Variants in UGT1A8 observed in about 807,000 individuals in gnomAD.
UGT1A8 encodes the protein UDP-glucuronosyltransferase 1A8.
A neutral mutation model predicts 45.3 loss-of-function variants in UGT1A8; 39 were observed. That is an observed-to-expected ratio of 0.86 (90% CI 0.67 to 1.12). The LOEUF is 1.12. Among genes scored for constraint, UGT1A8 ranks in the 50% most tolerant of loss-of-function variants. The pLI is 0.00. For synonymous variants in UGT1A8, 275 were observed against 249.2 expected, an observed-to-expected ratio of 1.10 and a Z score of -0.97; for missense variants, 719 against 664.9, an observed-to-expected ratio of 1.08 and a Z score of -0.90.
rs773383083 is a variant in UGT1A8, at chr2:233,761,070, G to A, written c.856-5964G>A. 1.4e-5 allele frequency: 23 copies of A among 1,614,070 alleles called. No individual in the cohort carries two copies. The East Asian group carries it at 4.5e-4, about 31-fold the overall frequency. On this transcript the variant is annotated intron_variant, in intron 1 of 4. Transcript: ENST00000373450. ...TCTGGCTGTTTAGAAGTGACTTTGT[G>A]AAGGATTACCCTAGGCCCATCATGC...
chr2:233,754,706 C>T, intron 1 of UGT1A8: 1 of 528,090 alleles, frequency 1.9e-6, no homozygotes, highest in South Asian at 1.5e-5. Context: ...TCGACATGGA[C>T]TTGAAGCTGC....
rs536831716 is a variant in UGT1A8, at chr2:233,631,745, A to G, written c.855+13183A>G. On this transcript the variant is annotated intron_variant, in intron 1 of 4. Transcript: ENST00000373450. ...ATTCAGGATATTAGCCCTTTGTCAG[A>G]TGGATAGATTGCAAAATTTTTCTCC... Among the ~76,000 whole-genome samples the G allele has an allele frequency of 3.3e-5, 5 of 152,060 alleles. No homozygotes were observed. The South Asian group carries it at 1.0e-3, about 32-fold the overall frequency.
chr2:233,716,952 C>T (rs1236803568), intron 1 of UGT1A8, among the ~76,000 whole-genome samples: 3 of 152,142 alleles, frequency 2.0e-5, no homozygotes, highest in Non-Finnish European at 4.4e-5. Context: ...TCCCAGGCAC[C>T]AGGAATGTGA....
chr2:233,697,534 T>C (rs879329254), intron 1 of UGT1A8, among the ~76,000 whole-genome samples: 14 of 151,894 alleles, frequency 9.2e-5, no homozygotes, highest in Admixed American at 5.9e-4. Flanking sequence ...TTTTGTTTCA[T>C]TGGTCTTTGC....
At chr2:233,747,366 C>A in intron 1 of UGT1A8, 1 of 1,604,318 alleles carries the variant, frequency 6.2e-7, no homozygotes, top group Non-Finnish European at 8.5e-7. Context: ...GCGGGAGCTC[C>A]ATGCCAGAGG....
chr2:233,722,310 C>T (rs1175597546), intron 1 of UGT1A8, among the ~76,000 whole-genome samples: 2 of 152,156 alleles, frequency 1.3e-5, no homozygotes, highest in Non-Finnish European at 2.9e-5. Context: ...CCCTTACTTA[C>T]TTGGTTTGGT....
intron 1 of UGT1A8, among the ~76,000 whole-genome samples, chr2:233,643,047 C>T (rs987150248): frequency 6.6e-6 from 1 of 152,212 alleles, no homozygotes; most frequent in Admixed American, 6.5e-5. Context: ...CTGTAACCAC[C>T]TCCTGGCTAC....
chr2:233,719,875 G>A (rs1258647724), intron 1 of UGT1A8, among the ~76,000 whole-genome samples: 1 of 152,206 alleles, frequency 6.6e-6, no homozygotes, highest in Non-Finnish European at 1.5e-5. Context: ...AGGAAGAAGA[G>A]GCACGGATGA....
At position 233,761,196 on chromosome 2, in the gene UGT1A8, T is replaced by C. The variant is rs761284519; in HGVS notation, c.856-5838T>C. 5.6e-6 allele frequency: 9 copies of C among 1,614,024 alleles called. No homozygotes were observed. The East Asian group carries it at 2.0e-4, about 36-fold the overall frequency. Reference sequence around the variant, plus strand: ...TTTTACATGCGTATATTCTTTCAGATGTATTACTTTGGATCGATTAACTAG... The same window carrying C: ...TTTTACATGCGTATATTCTTTCAGACGTATTACTTTGGATCGATTAACTAG... On this transcript the variant is annotated intron_variant, in intron 1 of 4. Transcript: ENST00000373450.
chr2:233,768,475 G>A, intron 4 of UGT1A8, 36 bp downstream of exon 4: 2 of 1,597,142 alleles, frequency 1.3e-6, no homozygotes, highest in Non-Finnish European at 1.7e-6. Flanking sequence ...CTTTGGTCAT[G>A]GCATTCATGA....
chr2:233,729,955 G>A, intron 1 of UGT1A8: 1 of 1,614,014 alleles, frequency 6.2e-7, no homozygotes, highest in African/African-American at 1.3e-5. Flanking sequence ...GGTCTTCATT[G>A]GGGGCATCAA....
At chr2:233,632,246 T>C (rs976717952) in intron 1 of UGT1A8, among the ~76,000 whole-genome samples, 3 of 152,206 alleles carry the variant, frequency 2.0e-5, no homozygotes, top group Admixed American at 1.3e-4. Flanking sequence ...AGCCTTGTAG[T>C]ATAATTTGAA....
intron 1 of UGT1A8, chr2:233,740,831 T>A (rs1418284400): frequency 1.3e-5 from 2 of 151,936 alleles, no homozygotes; most frequent in East Asian, 3.8e-4. Flanking sequence ...GCTGAGACAT[T>A]TTAAAAGGAG....
At chr2:233,747,501 A>G in intron 1 of UGT1A8, 1 of 1,608,354 alleles carries the variant, frequency 6.2e-7, no homozygotes, top group East Asian at 2.2e-5. Context: ...GCTGGGCCAC[A>G]CTCAACTGTA....
At chr2:233,770,651 C>A (rs1700124792) in intron 4 of UGT1A8, 1 of 150,460 alleles carries the variant, frequency 6.6e-6, no homozygotes, top group Middle Eastern at 3.2e-3. Context: ...GAGTGAGACT[C>A]CGTCTTACTT....
chr2:233,687,837 G>C (rs533739088), intron 1 of UGT1A8, among the ~76,000 whole-genome samples: 2 of 152,160 alleles, frequency 1.3e-5, no homozygotes, highest in Non-Finnish European at 2.9e-5. Context: ...AAACCCAGGA[G>C]GTTAAGGCTG....
chr2:233,708,724 C>T (rs1198827860), intron 1 of UGT1A8: 1 of 152,188 alleles, frequency 6.6e-6, no homozygotes, highest in Non-Finnish European at 1.5e-5. Flanking sequence ...GCACCTCAGC[C>T]TGGGCAACAG....
chr2:233,722,088 C>T (rs983768867), intron 1 of UGT1A8: 6 of 215,248 alleles, frequency 2.8e-5, no homozygotes, highest in African/African-American at 1.4e-4. Context: ...CACAGATCAC[C>T]TTAGGCCTCT....
intron 1 of UGT1A8, among the ~76,000 whole-genome samples, chr2:233,746,603 T>C (rs1036013853): frequency 3.3e-5 from 5 of 151,768 alleles, no homozygotes; most frequent in Non-Finnish European, 5.9e-5. Context: ...TTGTCTCTGT[T>C]CACCTGACCC....
Sources: allele counts gnomAD v4.1 joint callset (sites outside exome capture counted in the v4.1 genomes callset), GRCh38; gene constraint gnomAD v4.1.1; transcripts MANE v1.5; gene names NCBI Gene and HGNC (gene_info 2026-07-23, HGNC 2026-07-21).